Variants in HDAC9 observed in about 807,000 individuals in gnomAD.
HDAC9 encodes the protein MEF-2 interacting transcription repressor (MITR) protein.
HDAC9 carries 41 observed loss-of-function variants against 139.4 expected under a neutral mutation model. The ratio of observed to expected loss-of-function variants is 0.29; its 90% CI spans 0.23 to 0.38. The LOEUF (loss-of-function observed/expected upper bound fraction) is 0.38, where lower values mean the gene tolerates loss of function less well. Ranked by LOEUF, HDAC9 falls within the 10% of genes least tolerant of loss-of-function variation. The pLI, the probability that HDAC9 is intolerant of heterozygous loss-of-function variation, is 1.00. For missense variants in HDAC9, 1,147 were observed against 1,297.0 expected (o/e 0.88, Z 1.78); for synonymous variants, 517 against 476.2 (o/e 1.09, Z -1.12).
At chr7:18,365,730 A>G (rs1562921851) in intron 1 of HDAC9, among the ~76,000 whole-genome samples, 2 of 152,052 alleles carry the variant, frequency 1.3e-5, no homozygotes, top group Non-Finnish European at 2.9e-5. Flanking sequence ...CAGACTATGG[A>G]ATTTGAACAT....
chr7:18,187,660 A>G (rs1790020033), intron 2 of HDAC9, among the ~76,000 whole-genome samples: 1 of 152,224 alleles, frequency 6.6e-6, no homozygotes, highest in African/African-American at 2.4e-5. Context: ...TAGACTTAGA[A>G]CTAGTCTACT....
At chr7:18,532,808 C>G (rs993939250) in intron 2 of HDAC9, among the ~76,000 whole-genome samples, 2 of 140,748 alleles carry the variant, frequency 1.4e-5, no homozygotes, top group Non-Finnish European at 3.0e-5. Context: ...TTCAACAGTT[C>G]TGGCTTTCTT....
chr7:18,573,327 A>G (rs964716143), intron 2 of HDAC9, among the ~76,000 whole-genome samples: 2 of 152,224 alleles, frequency 1.3e-5, no homozygotes, highest in Non-Finnish European at 2.9e-5. Context: ...CGATAATGTT[A>G]TCGTAACTAG....
intron 2 of HDAC9, among the ~76,000 whole-genome samples, chr7:18,567,414 T>C (rs1213398305): frequency 6.6e-6 from 1 of 152,234 alleles, no homozygotes; most frequent in Non-Finnish European, 1.5e-5. Context: ...ACTTACCTTT[T>C]TAGCTTCAAG....
chr7:18,247,444 G>C (rs920559734), intron 2 of HDAC9, among the ~76,000 whole-genome samples: 9 of 152,126 alleles, frequency 5.9e-5, no homozygotes, highest in African/African-American at 2.2e-4. Context: ...GAGGTCAACT[G>C]AATGAGATGC....
intron 2 of HDAC9, among the ~76,000 whole-genome samples, chr7:18,215,963 TTG>T (rs1327839173): frequency 2.6e-5 from 4 of 152,070 alleles, no homozygotes; most frequent in African/African-American, 9.7e-5. Context: ...CTTTCTAGAG[TTG>T]TGTCATTTCT....
intron 2 of HDAC9, among the ~76,000 whole-genome samples, chr7:18,170,303 G>A (rs1010522849): frequency 6.6e-6 from 1 of 152,092 alleles, no homozygotes; most frequent in Admixed American, 6.6e-5. Flanking sequence ...TTTTTGATGG[G>A]CTGGGTTGTT....
At chr7:18,895,215 G>A (rs10272709) in intron 22 of HDAC9, among the ~76,000 whole-genome samples, 29,948 of 152,034 alleles carry the variant, frequency 0.2, 3,892 homozygotes, top group African/African-American at 0.37. Flanking sequence ...AGCCATATTC[G>A]ATAGGGCTCA....
chr7:18,453,876 A>C (rs962845735), intron 1 of HDAC9, among the ~76,000 whole-genome samples: 1 of 152,166 alleles, frequency 6.6e-6, no homozygotes, highest in Non-Finnish European at 1.5e-5. Context: ...CTCATTTAGA[A>C]TTGCCCAAAG....
chr7:18,128,315 G>A (rs114828594), intron 1 of HDAC9, among the ~76,000 whole-genome samples: 86 of 152,174 alleles, frequency 5.7e-4, no homozygotes, highest in African/African-American at 1.9e-3. Context: ...AGCGTGTGCT[G>A]TTAGCCATAA....
chr7:18,188,797 A>G (rs1198426897), intron 2 of HDAC9, among the ~76,000 whole-genome samples: 1 of 151,966 alleles, frequency 6.6e-6, no homozygotes, highest in South Asian at 2.1e-4. Context: ...ATGAGATACT[A>G]TCTCATGCCA....
At chr7:18,202,985 T>C (rs963138876) in intron 2 of HDAC9, among the ~76,000 whole-genome samples, 1 of 152,218 alleles carries the variant, frequency 6.6e-6, no homozygotes, top group East Asian at 1.9e-4. Context: ...GATGAATATA[T>C]GTAAAGCAGT....
Position 18,762,137 on chromosome 7 carries a change from C to T in HDAC9, c.2044-20C>T. On this transcript the variant is annotated intron_variant, in intron 14 of 25. Coordinates refer to ENST00000686413, the MANE Select transcript of HDAC9 (RefSeq NM_178425.4). Reference sequence around the variant, plus strand: ...AATGTTGTCAGTGGTGTACTGTTGGCTTCTGCTATTTTCTTGCAGCGAATT... The same window carrying T: ...AATGTTGTCAGTGGTGTACTGTTGGTTTCTGCTATTTTCTTGCAGCGAATT... 6.2e-7 allele frequency: 1 copy of T among 1,613,128 alleles called. No individual in the cohort carries two copies.
chr7:18,318,302 C>T (rs973284198), intron 1 of HDAC9, among the ~76,000 whole-genome samples: 8 of 152,138 alleles, frequency 5.3e-5, no homozygotes, highest in Admixed American at 1.3e-4. Context: ...TACAAAAATG[C>T]TACATAAACA....
chr7:18,466,145 C>G (rs1033859936), intron 1 of HDAC9, among the ~76,000 whole-genome samples: 26 of 152,278 alleles, frequency 1.7e-4, no homozygotes, highest in Admixed American at 4.6e-4. Context: ...GATGACCACT[C>G]GCAGCTTCTT....
chr7:18,176,070 C>T (rs1788878146), intron 2 of HDAC9, among the ~76,000 whole-genome samples: 2 of 152,104 alleles, frequency 1.3e-5, no homozygotes, highest in Non-Finnish European at 2.9e-5. Flanking sequence ...AAGCACTCAC[C>T]TTTTATCTTT....
At chr7:18,554,327 C>CACTTTT (rs1818091512) in intron 2 of HDAC9, among the ~76,000 whole-genome samples, 1 of 58,284 alleles carries the variant, frequency 1.7e-5, no homozygotes, top group African/African-American at 7.3e-5. Flanking sequence ...TTACAGATCA[C>CACTTTT]TTTTTTTTTT....
intron 23 of HDAC9, among the ~76,000 whole-genome samples, chr7:18,940,717 T>C (rs1781967168): frequency 6.6e-6 from 1 of 152,138 alleles, no homozygotes; most frequent in Non-Finnish European, 1.5e-5. Flanking sequence ...TGGCAAACAG[T>C]GTCACAGTTG....
intron 25 of HDAC9, among the ~76,000 whole-genome samples, chr7:18,982,092 C>A (rs1784991635): frequency 6.6e-6 from 1 of 152,094 alleles, no homozygotes; most frequent in African/African-American, 2.4e-5. Context: ...TTTACTTTGA[C>A]AAGACAATTT....
Sources: gnomAD v4.1 joint callset for allele counts (sites outside exome capture counted in the v4.1 genomes callset) on GRCh38, gnomAD v4.1.1 for gene constraint, MANE v1.5 for transcripts, NCBI Gene and HGNC (gene_info 2026-07-23, HGNC 2026-07-21) for gene names.